Variants in ACSM3 observed in about 807,000 individuals in gnomAD.
ACSM3 encodes the protein acyl-CoA synthetase medium chain family member 3.
Under a neutral mutation model 74.1 loss-of-function variants are expected in ACSM3, and 61 were observed. The ratio of observed to expected loss-of-function variants is 0.82; its 90% CI spans 0.67 to 1.02. ACSM3 has a LOEUF of 1.02. Among genes scored for constraint, ACSM3 ranks in the 50% least tolerant of loss-of-function variants. ACSM3 has a pLI of 0.00. For synonymous variants in ACSM3, 213 were observed against 241.5 expected, an observed-to-expected ratio of 0.88 and a Z score of 1.09; for missense variants, 660 against 697.0, an observed-to-expected ratio of 0.95 and a Z score of 0.60.
At position 20,797,270 on chromosome 16, in the gene ACSM3, T is replaced by C. The variant is rs2080740789; in HGVS notation, c.*298T>C. 9.4e-7 allele frequency: 1 copy of C among 1,062,710 alleles called. No individual in the cohort carries two copies. The highest frequency in any genetic ancestry group is 1.1e-6 in the Non-Finnish European group (1 of 883,248). 65.8% of individuals were successfully genotyped at this position (1,062,710 alleles called of 1,614,324 possible). On this transcript the variant is annotated 3_prime_UTR_variant, in exon 14 of 14. Transcript: ENST00000289416. ...GTTTCTGAACCAGATCTCTGCTACA[T>C]AGGTTTTCAAACTTTAGTTGACTAA... is the stretch of plus-strand genomic sequence containing the variant.
rs957893816 is a variant in ACSM3, at chr16:20,679,705, A to G, written c.-190+4883A>G. ...CATAGTTAAAACTCTACTGTACCAT[A>G]CCTACAGTACAGGAACCAAGTTAGG... On this transcript the variant is annotated intron_variant, in intron 1 of 3. Transcript: ENST00000561584. The G allele has an allele frequency of 2.0e-5, 3 of 152,154 alleles. No homozygotes were observed. The East Asian group carries it at 5.8e-4, about 29-fold the overall frequency. 9.4% of individuals were successfully genotyped at this position (152,154 alleles called of 1,614,324 possible). A position where few individuals can be genotyped will look rare whatever the true frequency, so the allele number is the denominator to read the frequency against.
chr16:20,735,107 C>A (rs1433221799), intron 1 of ACSM3: 1 of 152,136 alleles, frequency 6.6e-6, no homozygotes, highest in Non-Finnish European at 1.5e-5. Flanking sequence ...AGAGTCTTGT[C>A]GCTTTAAGAA....
Position 20,781,073 on chromosome 16 carries a change from G to A in ACSM3, c.882G>A (p.Gln294=). 2 of 1,614,162 alleles carry A rather than the reference G, an allele frequency of 1.2e-6. No individual in the cohort carries two copies. Residue 294 remains glutamine (Q), a synonymous_variant, in exon 6 of 14, where the codon CAG becomes CAA. Coordinates refer to ENST00000289416, the MANE Select transcript of ACSM3 (RefSeq NM_005622.4). Reference sequence around the variant, plus strand: ...GTAGTGTTTTTTCTCCGTGGATCCAGGGAGCATGTGTATTCACACACCATT... The same window carrying A: ...GTAGTGTTTTTTCTCCGTGGATCCAAGGAGCATGTGTATTCACACACCATT... The part of the protein sequence containing the change: ...AWSSVFSPWI[Q]GACVFTHHLP...
At chr16:20,703,642 C>A (rs2079719414) in intron 1 of ACSM3, 1 of 152,212 alleles carries the variant, frequency 6.6e-6, no homozygotes, top group Non-Finnish European at 1.5e-5. Flanking sequence ...CTGCCTCAGC[C>A]TTCTGAGTAG....
chr16:20,736,690 A>C, intron 1 of ACSM3: 1 of 618,562 alleles, frequency 1.6e-6, no homozygotes, highest in Non-Finnish European at 2.8e-6. Context: ...CCTCTACGTA[A>C]TACCATAAAG....
chr16:20,762,734 A>G (rs2080088071), upstream of ACSM3, among the ~76,000 whole-genome samples: 1 of 152,202 alleles, frequency 6.6e-6, no homozygotes, highest in Non-Finnish European at 1.5e-5. Flanking sequence ...CATGATAAAA[A>G]CACTCAGAAA....
At chr16:20,742,673 G>A (rs2079937447) in intron 1 of ACSM3, among the ~76,000 whole-genome samples, 1 of 149,884 alleles carries the variant, frequency 6.7e-6, no homozygotes, top group African/African-American at 2.5e-5. Context: ...CAGGGTCCCA[G>A]GCCACACGGA....
chr16:20,775,794 C>A, intron 2 of ACSM3, 45 bp from the exon 3 acceptor site: 1 of 1,591,062 alleles, frequency 6.3e-7, no homozygotes, highest in African/African-American at 1.3e-5. Flanking sequence ...CAGAATTTAG[C>A]TGTATAACAA....
intron 1 of ACSM3, chr16:20,742,002 G>A (rs1041677364): frequency 1.3e-5 from 20 of 1,495,306 alleles, no homozygotes; most frequent in Non-Finnish European, 1.8e-5. Context: ...AGCCATTCTG[G>A]AAGTGGTGTC....
chr16:20,690,297 A>G (rs940947992), intron 1 of ACSM3, among the ~76,000 whole-genome samples: 1 of 152,204 alleles, frequency 6.6e-6, no homozygotes, highest in Non-Finnish European at 1.5e-5. Context: ...GTTAGTGGCT[A>G]TAAATACCAT....
chr16:20,736,630 A>C, intron 1 of ACSM3: 2 of 433,730 alleles, frequency 4.6e-6, no homozygotes, highest in Non-Finnish European at 8.2e-6. Flanking sequence ...GGGAGAGGCC[A>C]ACATCCCCCT....
intron 2 of ACSM3, among the ~76,000 whole-genome samples, 155 bp downstream of exon 2, chr16:20,770,408 T>C (rs2080178405): frequency 6.6e-6 from 1 of 152,130 alleles, no homozygotes; most frequent in Non-Finnish European, 1.5e-5. Flanking sequence ...GGGATTCTGC[T>C]AAATATCCCA....
At chr16:20,731,711 T>G (rs1596487720) in intron 1 of ACSM3, 1 of 401,096 alleles carries the variant, frequency 2.5e-6, no homozygotes, top group African/African-American at 2.1e-5. Context: ...GTGAAAAAAA[T>G]CAACTGCACC....
chr16:20,676,766 G>C (rs1378123561), intron 1 of ACSM3, among the ~76,000 whole-genome samples: 4 of 152,158 alleles, frequency 2.6e-5, no homozygotes, highest in African/African-American at 9.7e-5. Context: ...GCCAAGGCTA[G>C]AGAGAGATTA....
chr16:20,698,352 C>T (rs1043030362), intron 1 of ACSM3, among the ~76,000 whole-genome samples: 1 of 152,048 alleles, frequency 6.6e-6, no homozygotes, highest in Non-Finnish European at 1.5e-5. Context: ...CATAGTCTCC[C>T]TTAAATGACA....
intron 2 of ACSM3, among the ~76,000 whole-genome samples, chr16:20,774,568 G>A (rs1296558566): frequency 6.6e-6 from 1 of 152,198 alleles, no homozygotes; most frequent in East Asian, 1.9e-4. Context: ...TACAGGTGAA[G>A]TGAGTTTCTT....
Position 20,728,265 on chromosome 16 carries a change from C to T in ACSM3, c.-189-21645C>T, listed in dbSNP as rs182966458. ...CAGGTAGGTTGAGAAAATATCTGACCGGTTCAATAAAGCAGAAAGAACGTT... is the reference window on the plus strand; with the variant it reads ...CAGGTAGGTTGAGAAAATATCTGACTGGTTCAATAAAGCAGAAAGAACGTT... On this transcript the variant is annotated intron_variant, in intron 1 of 3. Transcript: ENST00000561584. 5.7e-4 allele frequency: 256 copies of T among 446,878 alleles called. 1 individual carries two copies. The highest frequency in any genetic ancestry group is 1.3e-3 in the East Asian group (30 of 22,588). The allele number at this position is 446,878 out of a possible 1,614,324, so 27.7% of individuals were successfully genotyped here. A position where few individuals can be genotyped will look rare whatever the true frequency, so the allele number is the denominator to read the frequency against.
chr16:20,738,208 C>T (rs780446265), intron 1 of ACSM3: 33 of 527,260 alleles, frequency 6.3e-5, no homozygotes, highest in South Asian at 4.4e-4. Flanking sequence ...TAGGTAGACA[C>T]CGTTGTTAAC....
intron 2 of ACSM3, among the ~76,000 whole-genome samples, chr16:20,774,417 A>C (rs2080230713): frequency 6.6e-6 from 1 of 151,820 alleles, no homozygotes; most frequent in Admixed American, 6.6e-5. Flanking sequence ...TAATGTTTGT[A>C]TTTTTTATAG....
Sources: allele counts gnomAD v4.1 joint callset (sites outside exome capture counted in the v4.1 genomes callset), GRCh38; gene constraint gnomAD v4.1.1; transcripts MANE v1.5; gene names NCBI Gene and HGNC (gene_info 2026-07-23, HGNC 2026-07-21).